SLC13A3: variants seen among roughly 807,000 people sequenced by gnomAD.
SLC13A3 encodes the protein solute carrier family 13 member 3.
SLC13A3 carries 40 observed loss-of-function variants against 59.0 expected under a neutral mutation model. That is an observed-to-expected ratio of 0.68 (90% CI 0.53 to 0.88). SLC13A3 has a LOEUF of 0.88. Among genes scored for constraint, SLC13A3 ranks in the 40% least tolerant of loss-of-function variants. The probability of loss-of-function intolerance (pLI) is 0.00; values close to 1 mark genes in which losing one functional copy is unlikely to be tolerated. For synonymous variants in SLC13A3, 317 were observed against 330.3 expected (o/e 0.96, Z 0.44); for missense variants, 699 against 783.2 (o/e 0.89, Z 1.28).
chr20:46,651,838 A>T (rs557701696), upstream of SLC13A3, among the ~76,000 whole-genome samples: 1 of 152,346 alleles, frequency 6.6e-6, no homozygotes, highest in South Asian at 2.1e-4. Flanking sequence ...GTGGCCTTCA[A>T]CAACAGCCTC....
At chr20:46,581,802 G>A (rs768071911) in intron 9 of SLC13A3, among the ~76,000 whole-genome samples, 3 of 152,204 alleles carry the variant, frequency 2.0e-5, no homozygotes, top group Non-Finnish European at 4.4e-5. Flanking sequence ...AACCTAATAA[G>A]CAGCAGAAAC....
intron 10 of SLC13A3, among the ~76,000 whole-genome samples, chr20:46,568,459 A>G (rs1241238644): frequency 6.6e-6 from 1 of 151,996 alleles, no homozygotes; most frequent in Non-Finnish European, 1.5e-5. Context: ...TACATAAATA[A>G]AATAGTACAC....
intron 1 of SLC13A3, among the ~76,000 whole-genome samples, chr20:46,629,535 T>C (rs1233679957): frequency 6.6e-6 from 1 of 152,234 alleles, no homozygotes; most frequent in Non-Finnish European, 1.5e-5. Context: ...TGATGTTGGA[T>C]TTCCTTTGTC....
At chr20:46,650,697 C>T (rs1256708169) in intron 1 of SLC13A3, among the ~76,000 whole-genome samples, 3 of 152,216 alleles carry the variant, frequency 2.0e-5, no homozygotes. Flanking sequence ...CACAGCTTGG[C>T]ACCCAGTAAG....
At chr20:46,612,846 C>T (rs904097355) in intron 2 of SLC13A3, among the ~76,000 whole-genome samples, 4 of 152,144 alleles carry the variant, frequency 2.6e-5, no homozygotes, top group Non-Finnish European at 4.4e-5. Flanking sequence ...AGGATTGTAA[C>T]CCTGCCTCCC....
At chr20:46,657,592 A>G (rs1474843100) in intron 1 of SLC13A3, among the ~76,000 whole-genome samples, 1 of 152,150 alleles carries the variant, frequency 6.6e-6, no homozygotes, top group Non-Finnish European at 1.5e-5. Context: ...CTCATCCTCC[A>G]TTAATATCTG....
In SLC13A3 at chr20:46,559,912, A is replaced by G; in HGVS notation, c.*110T>C. 2 of 1,134,358 alleles carry G rather than the reference A, an allele frequency of 1.8e-6. No homozygotes were observed. Among genetic ancestry groups the G allele is most frequent in the Non-Finnish European group, 2.5e-6 (2 of 785,158 alleles). The allele number at this position is 1,134,358 out of a possible 1,614,324, so 70.3% of individuals were successfully genotyped here. ...ACTGGAGGTCACCCTTGCTTGCTGC[A>G]TATTGGATTACAGAAAAGAATTATT... On this transcript the variant is annotated 3_prime_UTR_variant, in exon 13 of 13. Coordinates refer to ENST00000279027, the MANE Select transcript of SLC13A3 (RefSeq NM_022829.6).
In SLC13A3 at chr20:46,613,850, G is replaced by A. The variant is rs995016691; in HGVS notation, c.112-125C>T. The A allele has an allele frequency of 3.5e-5, 29 of 825,800 alleles. No homozygotes were observed. The Admixed American group carries it at 6.8e-4, about 20-fold the overall frequency. The allele number at this position is 825,800 out of a possible 1,614,324, so 51.2% of individuals were successfully genotyped here. The stretch of plus-strand genomic sequence containing the variant: ...GGGGCAGAGGGGGAAGGAGGCCTGC[G>A]GCAGGGCCTGCCCCGGCTTGTTCTC... On this transcript the variant is annotated intron_variant, in intron 1 of 12. Transcript: ENST00000279027.
chr20:46,625,457 T>C (rs886103022), intron 1 of SLC13A3, among the ~76,000 whole-genome samples: 3 of 152,224 alleles, frequency 2.0e-5, no homozygotes, highest in Non-Finnish European at 4.4e-5. Flanking sequence ...GAGCACTAGC[T>C]GGAGAGAAAA....
intron 5 of SLC13A3, among the ~76,000 whole-genome samples, chr20:46,595,777 T>G (rs1322343717): frequency 6.6e-6 from 1 of 152,116 alleles, no homozygotes; most frequent in East Asian, 1.9e-4. Flanking sequence ...TGCCTTTCCC[T>G]CCTGTGTCCA....
chr20:46,666,472 TTTG>T (rs11469962), intron 1 of SLC13A3, among the ~76,000 whole-genome samples: 65,715 of 149,238 alleles, frequency 0.44, 15,025 homozygotes, highest in Non-Finnish European at 0.53. Flanking sequence ...GTTTTGTTGC[TTTG>T]TTGTTGTTGT....
chr20:46,610,680 C>T, intron 2 of SLC13A3, 71 bp from the exon 3 acceptor site: 1 of 1,343,340 alleles, frequency 7.4e-7, no homozygotes, highest in South Asian at 1.4e-5. Context: ...CCCAGTTTGC[C>T]ATCCCTGAGG....
chr20:46,572,324 G>A (rs2062035746), intron 10 of SLC13A3, among the ~76,000 whole-genome samples: 1 of 152,174 alleles, frequency 6.6e-6, no homozygotes, highest in Non-Finnish European at 1.5e-5. Context: ...TGCCTGGGGA[G>A]AGGATGGTAC....
In SLC13A3 at chr20:46,559,324, C is replaced by T. The variant is rs920373063; in HGVS notation, c.*698G>A. The T allele has an allele frequency of 6.6e-6, 1 of 152,254 alleles. No homozygotes were observed. The highest frequency in any genetic ancestry group is 2.4e-5 in the African/African-American group (1 of 41,458). The allele number at this position is 152,254 out of a possible 1,614,324, so 9.4% of individuals were successfully genotyped here. The stretch of plus-strand genomic sequence containing the variant: ...GATGAAACAGGAGAATCCTAAATCT[C>T]TTGGGTCGAGATGTCAGCTGCGGTT... On this transcript the variant is annotated 3_prime_UTR_variant, in exon 13 of 13. Coordinates refer to ENST00000279027, the MANE Select transcript of SLC13A3 (RefSeq NM_022829.6).
intron 1 of SLC13A3, among the ~76,000 whole-genome samples, chr20:46,681,524 A>G (rs556874167): frequency 2.0e-5 from 3 of 152,190 alleles, no homozygotes; most frequent in South Asian, 2.1e-4. Context: ...AATGACAGTA[A>G]CTTACGACCC....
At chr20:46,563,873 A>G (rs890102326) in intron 11 of SLC13A3, among the ~76,000 whole-genome samples, 5 of 152,184 alleles carry the variant, frequency 3.3e-5, no homozygotes, top group African/African-American at 9.7e-5. Context: ...CAAGGGCCAC[A>G]CTGTGGTTTG....
At chr20:46,659,612 G>A (rs1400144931) in intron 1 of SLC13A3, among the ~76,000 whole-genome samples, 1 of 151,928 alleles carries the variant, frequency 6.6e-6, no homozygotes, top group African/African-American at 2.4e-5. Context: ...CTACCGGGGA[G>A]GCTGAGGTGG....
At position 46,659,715 on chromosome 20, in the gene SLC13A3, C is replaced by G. The variant is rs569411618; in HGVS notation, c.-31+10328G>C. 5.6e-4 allele frequency among the ~76,000 whole-genome samples: 81 copies of G among 145,094 alleles called. 1 individual carries two copies. Among genetic ancestry groups the G allele is most frequent in the African/African-American group, 1.5e-3 (56 of 37,056 alleles). ...TGGGTGACAGAGTGAGACCCTATCC[C>G]CCCCCCCCAAAAAAAAAAAGAAAAA... On this transcript the variant is annotated intron_variant, in intron 1 of 12. Coordinates refer to the SLC13A3 transcript ENST00000290317.
chr20:46,600,303 GAAA>G (rs775521233), intron 3 of SLC13A3, among the ~76,000 whole-genome samples: 4 of 94,146 alleles, frequency 4.2e-5, no homozygotes, highest in African/African-American at 2.2e-4. Context: ...AAGAAAGAAA[GAAA>G]GAAAGAGGGA....
Sources: gnomAD v4.1 joint callset for allele counts (sites outside exome capture counted in the v4.1 genomes callset) on GRCh38, gnomAD v4.1.1 for gene constraint, MANE v1.5 for transcripts, NCBI Gene and HGNC (gene_info 2026-07-23, HGNC 2026-07-21) for gene names.